The following DGUOK variants were observed in gnomAD, a reference collection of about 807,000 sequenced individuals.
DGUOK encodes deoxyguanosine kinase.
A neutral mutation model predicts 36.6 loss-of-function variants in DGUOK; 30 were observed. The ratio of observed to expected loss-of-function variants is 0.82; its 90% CI spans 0.61 to 1.11. DGUOK has a LOEUF of 1.11. DGUOK is among the 50% of genes most tolerant of loss of function. The probability of loss-of-function intolerance (pLI) is 0.00; values close to 1 mark genes in which losing one functional copy is unlikely to be tolerated. For missense variants in DGUOK, 361 were observed against 336.4 expected, an observed-to-expected ratio of 1.07 and a Z score of -0.57; for synonymous variants, 145 against 126.3, an observed-to-expected ratio of 1.15 and a Z score of -0.99.
At chr2:73,955,685 C>T (rs550424291) in intron 4 of DGUOK, among the ~76,000 whole-genome samples, 5 of 152,022 alleles carry the variant, frequency 3.3e-5, no homozygotes, top group Non-Finnish European at 5.9e-5. Context: ...CCATCCTGGC[C>T]GACATGGTGA....
Position 73,958,220 on chromosome 2 carries a change from C to T in DGUOK, c.782C>T (p.Thr261Ile). Residue 261 changes from threonine (T) to isoleucine (I), a missense_variant, in exon 6 of 7, where the codon ACC (threonine) becomes ATC (isoleucine). By Grantham distance (89) the Thr-to-Ile change is moderately conservative (BLOSUM62 -1). Coordinates refer to ENST00000264093, the MANE Select transcript of DGUOK (RefSeq NM_080916.3). ...AATGATGATTTTTCTGAGGAAGTAA[C>T]CAAACAAGAAGACCTCATGAGAGAG... is the stretch of plus-strand genomic sequence containing the variant. ...DVNDDFSEEV[T>I]KQEDLMREVN... The T allele has an allele frequency of 1.2e-6, 2 of 1,613,686 alleles. No homozygotes were observed. The highest frequency in any genetic ancestry group is 1.1e-5 in the South Asian group (1 of 91,058).
At chr2:73,951,760 G>T (rs1283116528) in intron 4 of DGUOK, among the ~76,000 whole-genome samples, 1 of 152,204 alleles carries the variant, frequency 6.6e-6, no homozygotes, top group Non-Finnish European at 1.5e-5. Flanking sequence ...CCTTGAATGT[G>T]ACTGGGGCCA....
chr2:73,937,388 A>C (rs1275469947), intron 1 of DGUOK, among the ~76,000 whole-genome samples: 2 of 152,248 alleles, frequency 1.3e-5, no homozygotes, highest in Non-Finnish European at 2.9e-5. Flanking sequence ...TTTCATATTC[A>C]GTCTGGCCAC....
intron 2 of DGUOK, among the ~76,000 whole-genome samples, chr2:73,944,208 CAG>C (rs1318288638): frequency 6.6e-6 from 1 of 152,118 alleles, no homozygotes; most frequent in Non-Finnish European, 1.5e-5. Flanking sequence ...TTTGTGGAGA[CAG>C]AGTCTCACTA....
intron 4 of DGUOK, among the ~76,000 whole-genome samples, chr2:73,953,277 GATC>G (rs796210296): frequency 0.038 from 5,620 of 147,188 alleles, 147 homozygotes; most frequent in Non-Finnish European, 0.06. Flanking sequence ...TGATGATGAT[GATC>G]ATCATCATCA....
chr2:73,935,647 C>T (rs1471365102), intron 1 of DGUOK, among the ~76,000 whole-genome samples: 1 of 152,166 alleles, frequency 6.6e-6, no homozygotes, highest in Non-Finnish European at 1.5e-5. Flanking sequence ...AGAAATACTG[C>T]CCTGTAGTGA....
At chr2:73,940,401 A>G (rs1205170959) in intron 2 of DGUOK, among the ~76,000 whole-genome samples, 1 of 151,230 alleles carries the variant, frequency 6.6e-6, no homozygotes, top group South Asian at 2.1e-4. Context: ...TCTGGGTGCC[A>G]TTTTTTTTTA....
Position 73,939,010 on chromosome 2 carries a change from T to A in DGUOK, c.243T>A (p.Ala81=), listed in dbSNP as rs200731234. 2 of 1,613,770 alleles carry A rather than the reference T, an allele frequency of 1.2e-6. No homozygotes were observed. Among genetic ancestry groups the A allele is most frequent in the Non-Finnish European group, 1.7e-6 (2 of 1,179,672 alleles). ...CAACATGGCAGAATATCCAGGCTGC[T>A]GGCACCCAAAAAGTAAGTTTTTAGT... is the stretch of plus-strand genomic sequence containing the variant. ...PVATWQNIQA[A]GTQKACTAQS... Residue 81 remains alanine, a synonymous_variant, in exon 2 of 7, where the codon GCT becomes GCA. Transcript: ENST00000264093.
In DGUOK at chr2:73,958,273, T is replaced by C. The variant is rs761355233; in HGVS notation, c.807+28T>C. 5 of 1,558,916 alleles carry C rather than the reference T, an allele frequency of 3.2e-6. No homozygotes were observed. The African/African-American group carries it at 4.1e-5, about 13-fold the overall frequency. ...GGGAAGGACTTTAACTCCTGTTTTC[T>C]GGTGGTTTCCTTTGTTGTACTTTTA... On this transcript the variant is annotated intron_variant, in intron 6 of 6. Coordinates refer to ENST00000264093, the MANE Select transcript of DGUOK (RefSeq NM_080916.3).
In DGUOK at chr2:73,938,950, T is replaced by G. The variant is rs1198170804; in HGVS notation, c.183T>G (p.Thr61=). 1.2e-6 allele frequency: 2 copies of G among 1,613,948 alleles called. No homozygotes were observed. The highest frequency in any genetic ancestry group is 2.7e-5 in the African/African-American group (2 of 74,904). Residue 61 remains threonine, a synonymous_variant, in exon 2 of 7, where the codon ACT becomes ACG. Coordinates refer to ENST00000264093, the MANE Select transcript of DGUOK (RefSeq NM_080916.3). The part of the protein sequence containing the change: ...KSTFVKLLTK[T]YPEWHVATEP... The stretch of plus-strand genomic sequence containing the variant: ...CGTTTGTGAAGTTACTCACGAAAAC[T>G]TACCCAGAATGGCACGTAGCTACAG...
chr2:73,958,532 C>G (rs1403798361), intron 6 of DGUOK, among the ~76,000 whole-genome samples, 178 bp from the exon 7 acceptor site: 3 of 152,154 alleles, frequency 2.0e-5, no homozygotes, highest in Non-Finnish European at 4.4e-5. Context: ...GGATTCTATT[C>G]CCAGCTCTGC....
intron 1 of DGUOK, among the ~76,000 whole-genome samples, chr2:73,931,359 C>A (rs1006904752): frequency 2.6e-5 from 4 of 152,134 alleles, no homozygotes; most frequent in Non-Finnish European, 5.9e-5. Context: ...ACTGCAACCT[C>A]CGCTTCCCAG....
chr2:73,950,575 T>A lies in DGUOK; in HGVS notation c.444-10T>A, dbSNP rs745460442. 3.1e-6 allele frequency: 5 copies of A among 1,614,102 alleles called. No individual in the cohort carries two copies. In the South Asian group the frequency reaches 4.4e-5, roughly 14 times the overall value. The stretch of plus-strand genomic sequence containing the variant: ...CCTGCCCTCCCCATTCCCATCCCAC[T>A]TCCAACCAGGTATATCTTTGCAAAG... On this transcript the variant is annotated splice_polypyrimidine_tract_variant and intron_variant, in intron 3 of 6. Transcript: ENST00000264093.
chr2:73,957,286 C>A (rs1334007518), intron 5 of DGUOK, 46 bp downstream of exon 5: 1 of 1,454,852 alleles, frequency 6.9e-7, no homozygotes, highest in East Asian at 2.3e-5. Context: ...ACCTGGCTCC[C>A]AACAGCCAGT....
intron 3 of DGUOK, among the ~76,000 whole-genome samples, chr2:73,949,644 A>C (rs1334038656): frequency 1.3e-5 from 2 of 152,228 alleles, no homozygotes; most frequent in Admixed American, 6.5e-5. Context: ...ACAGCCTTGC[A>C]GTCTGTACTT....
At chr2:73,928,202 A>G (rs1331057145) in intron 1 of DGUOK, among the ~76,000 whole-genome samples, 1 of 152,194 alleles carries the variant, frequency 6.6e-6, no homozygotes, top group East Asian at 1.9e-4. Context: ...ATCTCGACTC[A>G]CTGCAACCTC....
chr2:73,934,891 G>A (rs1347580524), intron 1 of DGUOK, among the ~76,000 whole-genome samples: 1 of 152,088 alleles, frequency 6.6e-6, no homozygotes, highest in African/African-American at 2.4e-5. Context: ...TGGGCAACAT[G>A]GTGAAACCCT....
intron 6 of DGUOK, 67 bp downstream of exon 6, chr2:73,958,312 T>C: frequency 3.2e-6 from 4 of 1,268,934 alleles, no homozygotes; most frequent in Non-Finnish European, 4.6e-6. Context: ...TTCTGGCCTT[T>C]GCTTCAAAGT....
chr2:73,926,917 G>A lies in DGUOK; in HGVS notation c.7G>A (p.Ala3Thr). 1 of 1,613,428 alleles carries A rather than the reference G, an allele frequency of 6.2e-7. No homozygotes were observed. Among genetic ancestry groups the A allele is most frequent in the Non-Finnish European group, 8.5e-7 (1 of 1,180,038 alleles). MA[A>T]GRLFLSRLRA... ...TGTGTGAATCGTGGGTGGGATGGCC[G>A]CGGGCCGCCTCTTTCTAAGTCGGCT... The change falls in exon 1 of 7, where the codon GCG (alanine) becomes ACG (threonine). Residue 3 changes from alanine (A) to threonine (T), a missense_variant. Physicochemically the swap from Ala to Thr is moderately conservative, Grantham distance 58. Coordinates refer to ENST00000264093, the MANE Select transcript of DGUOK (RefSeq NM_080916.3).
Sources: allele counts gnomAD v4.1 joint callset (sites outside exome capture counted in the v4.1 genomes callset), GRCh38; gene constraint gnomAD v4.1.1; transcripts MANE v1.5; gene names NCBI Gene and HGNC (gene_info 2026-07-23, HGNC 2026-07-21).